Variants in USP25 observed in about 807,000 individuals in gnomAD.
USP25 encodes the protein ubiquitin carboxyl-terminal hydrolase 25.
Under a neutral mutation model 158.5 loss-of-function variants are expected in USP25, and 85 were observed. That is an observed-to-expected ratio of 0.54 (90% CI 0.45 to 0.64). USP25 has a LOEUF of 0.64. Ranked by LOEUF, USP25 falls within the 30% of genes least tolerant of loss-of-function variation. The pLI, the probability that USP25 is intolerant of heterozygous loss-of-function variation, is 0.00. For missense variants in USP25, 1,242 were observed against 1,327.3 expected (o/e 0.94, Z 1.00); for synonymous variants, 464 against 460.4 (o/e 1.01, Z -0.10).
intron 5 of USP25, among the ~76,000 whole-genome samples, chr21:15,792,093 A>G (rs2035619595): frequency 6.6e-6 from 1 of 151,756 alleles, no homozygotes; most frequent in Admixed American, 6.6e-5. Flanking sequence ...TATTTTTAAT[A>G]AGCATTTTGT....
At chr21:15,780,386 A>G (rs967680430) in intron 4 of USP25, among the ~76,000 whole-genome samples, 4 of 152,176 alleles carry the variant, frequency 2.6e-5, no homozygotes, top group Non-Finnish European at 4.4e-5. Context: ...TGTATTTATT[A>G]TCTCTTGATT....
chr21:15,752,855 G>A (rs1196248179), intron 1 of USP25, among the ~76,000 whole-genome samples: 3 of 152,188 alleles, frequency 2.0e-5, no homozygotes, highest in African/African-American at 7.2e-5. Flanking sequence ...TAATGCTAAA[G>A]TGCTGTTAAT....
chr21:15,772,906 A>C (rs1030249925), intron 3 of USP25, among the ~76,000 whole-genome samples: 3 of 152,186 alleles, frequency 2.0e-5, no homozygotes, highest in Non-Finnish European at 2.9e-5. Flanking sequence ...TTCAGGATTC[A>C]GCTATCTTTC....
chr21:15,878,432 G>A lies in USP25; in HGVS notation c.3335G>A (p.Arg1112Gln), dbSNP rs150189440. ...STHELCERFA[R>Q]IMLSLSRTPA... is the part of the protein sequence containing the mutation. ...CATGAACTCTGTGAGCGATTTGCCC[G>A]AATCATGTTGTCCCTCAGTCGAACT... Residue 1112 changes from arginine (R) to glutamine (Q), a missense_variant, in exon 26 of 26, where the codon CGA (arginine) becomes CAA (glutamine). Coordinates refer to ENST00000400183, the MANE Select transcript of USP25 (RefSeq NM_001283041.3). 397 of 1,613,826 alleles carry A rather than the reference G, an allele frequency of 2.5e-4. No individual in the cohort carries two copies. The highest frequency in any genetic ancestry group is 3.2e-4 in the Non-Finnish European group (382 of 1,179,906).
rs1568882585 is a variant in USP25, at chr21:15,846,147, TA to T, written c.2338-1515del. Among the ~76,000 whole-genome samples the T allele has an allele frequency of 9.9e-3, 686 of 69,384 alleles. 47 individuals are homozygous for T. The highest frequency in any genetic ancestry group is 0.065 in the East Asian group (162 of 2,506). 45.5% of individuals were successfully genotyped at this position (69,384 alleles called of 152,430 possible). A position where few individuals can be genotyped will look rare whatever the true frequency, so the allele number is the denominator to read the frequency against. ...GTATATATATATATATATATATATA[TA>T]TATATATATATTTTTTTTTTTTTTT... On this transcript the variant is annotated intron_variant, in intron 18 of 25. Transcript: ENST00000400183.
chr21:15,740,895 CTGCTATCT>C (rs2031990747), intron 1 of USP25, among the ~76,000 whole-genome samples: 1 of 151,796 alleles, frequency 6.6e-6, no homozygotes, highest in Non-Finnish European at 1.5e-5. Flanking sequence ...CCCCACACTA[CTGCTATCT>C]TGACTTTTTT....
At chr21:15,777,125 A>G (rs2034700634) in intron 3 of USP25, among the ~76,000 whole-genome samples, 1 of 152,218 alleles carries the variant, frequency 6.6e-6, no homozygotes, top group African/African-American at 2.4e-5. Context: ...TGAAGGCGGT[A>G]TTAGTTGTAA....
At chr21:15,831,752 G>A (rs922433776) in intron 16 of USP25, 123 bp downstream of exon 16, 19 of 810,594 alleles carry the variant, frequency 2.3e-5, no homozygotes, top group African/African-American at 3.4e-5. Context: ...ATGCTACTGG[G>A]TTTTGACAAG....
intron 1 of USP25, among the ~76,000 whole-genome samples, chr21:15,741,313 G>A (rs78864988): frequency 1.7e-3 from 231 of 133,406 alleles, no homozygotes; most frequent in Admixed American, 0.013. Flanking sequence ...CCAGTTTTTT[G>A]ACCCATATAT....
chr21:15,854,003 A>G (rs1023681419), intron 20 of USP25, among the ~76,000 whole-genome samples: 2 of 152,144 alleles, frequency 1.3e-5, no homozygotes, highest in African/African-American at 4.8e-5. Flanking sequence ...ATTAATTCAT[A>G]AAATATGTAC....
Position 15,843,824 on chromosome 21 carries a change from C to CT in USP25, c.2337+1288dup, listed in dbSNP as rs35885788. ...TTTGCAAGGCCTCTGCTAATTAGAA[C>CT]TTTTATTTGTTAAAGGCCTAAATTA... On this transcript the variant is annotated intron_variant, in intron 18 of 25. Coordinates refer to ENST00000400183, the MANE Select transcript of USP25 (RefSeq NM_001283041.3). The surrounding 1 kb of genome is among the most constrained non-coding windows in gnomAD (Gnocchi z 4.0). Among the ~76,000 whole-genome samples, 1 of 152,080 alleles carries CT rather than the reference C, an allele frequency of 6.6e-6. No individual in the cohort carries two copies. Among genetic ancestry groups the CT allele is most frequent in the Non-Finnish European group, 1.5e-5 (1 of 67,982 alleles).
chr21:15,794,299 G>C (rs1354590174), intron 5 of USP25, among the ~76,000 whole-genome samples: 1 of 151,544 alleles, frequency 6.6e-6, no homozygotes, highest in Admixed American at 6.6e-5. Context: ...TGTAAGAAAG[G>C]GAATATAAAC....
rs1255096912 is a variant in USP25 at position 15,796,622 on chromosome 21, G to A, written c.556-3135G>A. ...AACTGAGAACTGAAAGTTAAGACAG[G>A]CTTCCTAGTTTCTGAATTATATAGT... On this transcript the variant is annotated intron_variant, in intron 5 of 25. Coordinates refer to ENST00000400183, the MANE Select transcript of USP25 (RefSeq NM_001283041.3). Among the ~76,000 whole-genome samples, 6 of 151,396 alleles carry A rather than the reference G, an allele frequency of 4.0e-5. No individual in the cohort carries two copies. In the East Asian group the frequency reaches 1.2e-3, roughly 29 times the overall value.
At chr21:15,824,807 G>A (rs1188796659) in intron 11 of USP25, among the ~76,000 whole-genome samples, 159 bp from the exon 12 acceptor site, 1 of 152,230 alleles carries the variant, frequency 6.6e-6, no homozygotes, top group Non-Finnish European at 1.5e-5. Flanking sequence ...GTAGAGACGA[G>A]ATTTCACCAT....
At chr21:15,852,985 ATG>A (rs2038956137) in intron 20 of USP25, among the ~76,000 whole-genome samples, 1 of 152,214 alleles carries the variant, frequency 6.6e-6, no homozygotes, top group Non-Finnish European at 1.5e-5. Flanking sequence ...CGTATAAAAA[ATG>A]AAAGTAATGT....
chr21:15,761,154 G>T (rs1014167857), intron 1 of USP25, among the ~76,000 whole-genome samples: 1 of 152,160 alleles, frequency 6.6e-6, no homozygotes, highest in East Asian at 1.9e-4. Context: ...TGCATTTTCG[G>T]CAGGGCTATC....
rs372926655 is a variant in USP25, at chr21:15,864,458, G to T, written c.2726+12G>T. On this transcript the variant is annotated intron_variant, in intron 21 of 25. Coordinates refer to ENST00000400183, the MANE Select transcript of USP25 (RefSeq NM_001283041.3). ...AGTTTTGATGAAAGGTAATTTGAAA[G>T]TATAAAATTCATATGCTCAAATCGT... The T allele has an allele frequency of 2.0e-5, 31 of 1,577,060 alleles. No individual in the cohort carries two copies. The highest frequency in any genetic ancestry group is 2.5e-5 in the Non-Finnish European group (29 of 1,164,780).
intron 1 of USP25, among the ~76,000 whole-genome samples, chr21:15,750,364 G>A (rs73357263): frequency 0.032 from 4,870 of 151,484 alleles, 265 homozygotes; most frequent in African/African-American, 0.11. Context: ...TGAGTAGGCT[G>A]GACTACAGGT....
At chr21:15,733,908 A>G (rs905448564) in intron 1 of USP25, among the ~76,000 whole-genome samples, 2 of 152,254 alleles carry the variant, frequency 1.3e-5, no homozygotes, top group African/African-American at 4.8e-5. Context: ...TGCTAGGAGA[A>G]TAGGCAGTGG....
Sources: gnomAD v4.1 joint callset for allele counts (sites outside exome capture counted in the v4.1 genomes callset) on GRCh38, gnomAD v4.1.1 for gene constraint, Gnocchi (gnomAD v3.1) non-coding constraint, MANE v1.5 for transcripts, NCBI Gene and HGNC (gene_info 2026-07-23, HGNC 2026-07-21) for gene names.